Variants in RASAL2 observed in about 807,000 individuals in gnomAD.
The protein encoded by RASAL2 is ras GTPase-activating protein nGAP.
Under a neutral mutation model 128.9 loss-of-function variants are expected in RASAL2, and 58 were observed. The observed-to-expected ratio is 0.45, with a 90% confidence interval of 0.36 to 0.56. The LOEUF is 0.56. Ranked by LOEUF, RASAL2 falls within the 20% of genes least tolerant of loss-of-function variation. The pLI is 0.00. For missense variants in RASAL2, 1,360 were observed against 1,601.6 expected (o/e 0.85, Z 2.57); for synonymous variants, 561 against 580.8 (o/e 0.97, Z 0.49).
intron 1 of RASAL2, among the ~76,000 whole-genome samples, chr1:178,120,359 A>G (rs564146100): frequency 2.0e-5 from 3 of 152,146 alleles, no homozygotes; most frequent in Admixed American, 6.6e-5. Flanking sequence ...GCTCTCCAGT[A>G]ATGTTTATTT....
At chr1:178,291,058 T>C (rs904613098) in intron 2 of RASAL2, among the ~76,000 whole-genome samples, 1 of 151,948 alleles carries the variant, frequency 6.6e-6, no homozygotes, top group Non-Finnish European at 1.5e-5. Flanking sequence ...GAGTGGAGAA[T>C]GCCAAAAAAG....
At position 178,174,472 on chromosome 1, in the gene RASAL2, A is replaced by G. The variant is rs528869642; in HGVS notation, c.202+79778A>G. 2.0e-3 allele frequency among the ~76,000 whole-genome samples: 309 copies of G among 152,260 alleles called. 1 individual carries two copies. Among genetic ancestry groups the G allele is most frequent in the Non-Finnish European group, 3.9e-3 (262 of 68,008 alleles). On this transcript the variant is annotated intron_variant, in intron 1 of 17. Coordinates refer to ENST00000367649, the MANE Select transcript of RASAL2 (RefSeq NM_170692.4). The stretch of plus-strand genomic sequence containing the variant: ...AACAAATGCTGTACTTTTCTAACAC[A>G]TGAAATTGAGTGATGGCCTAATATA...
intron 1 of RASAL2, among the ~76,000 whole-genome samples, chr1:178,100,270 C>T (rs917503951): frequency 1.3e-5 from 2 of 151,710 alleles, no homozygotes; most frequent in Non-Finnish European, 2.9e-5. Context: ...AATTCCAGCA[C>T]TTTAGGAGGC....
intron 5 of RASAL2, among the ~76,000 whole-genome samples, chr1:178,433,386 T>G (rs148052980): frequency 6.6e-6 from 1 of 152,240 alleles, no homozygotes; most frequent in East Asian, 1.9e-4. Flanking sequence ...CTTGTCACAT[T>G]GTATTATAAT....
intron 1 of RASAL2, among the ~76,000 whole-genome samples, chr1:178,163,963 C>A (rs1283873087): frequency 6.6e-6 from 1 of 152,078 alleles, no homozygotes; most frequent in Non-Finnish European, 1.5e-5. Context: ...CTTCAGGATA[C>A]AAGTCTTTCA....
At chr1:178,165,967 C>T (rs1661503429) in intron 1 of RASAL2, among the ~76,000 whole-genome samples, 1 of 151,906 alleles carries the variant, frequency 6.6e-6, no homozygotes. Context: ...AGCTGCATTT[C>T]CCCCCCATCT....
At chr1:178,456,613 C>A in intron 12 of RASAL2, 108 bp from the exon 13 acceptor site, 1 of 1,164,016 alleles carries the variant, frequency 8.6e-7, no homozygotes, top group South Asian at 1.2e-5. Flanking sequence ...ACTTACCCTT[C>A]CCTCCAACCT....
intron 1 of RASAL2, among the ~76,000 whole-genome samples, chr1:178,277,514 T>C: frequency 6.6e-6 from 1 of 152,356 alleles, no homozygotes; most frequent in African/African-American, 2.4e-5. Context: ...TTTTATGAAG[T>C]AATACTTTTT....
chr1:178,254,836 AGGAT>A (rs1199825072), intron 1 of RASAL2, among the ~76,000 whole-genome samples: 6 of 152,256 alleles, frequency 3.9e-5, no homozygotes, highest in African/African-American at 1.4e-4. Context: ...AACTCCAAGT[AGGAT>A]AAACACAAAG....
At chr1:178,220,074 G>A (rs1357414765) in intron 1 of RASAL2, among the ~76,000 whole-genome samples, 2 of 152,050 alleles carry the variant, frequency 1.3e-5, no homozygotes, top group East Asian at 1.9e-4. Flanking sequence ...CATGTGATAT[G>A]CCTGCTCCCC....
At chr1:178,418,755 A>G (rs1228523289) in intron 4 of RASAL2, among the ~76,000 whole-genome samples, 1 of 152,218 alleles carries the variant, frequency 6.6e-6, no homozygotes, top group Non-Finnish European at 1.5e-5. Flanking sequence ...GTAGTACTAT[A>G]TATCCCTTCC....
At chr1:178,193,505 C>T (rs1034434019) in intron 1 of RASAL2, among the ~76,000 whole-genome samples, 4 of 152,010 alleles carry the variant, frequency 2.6e-5, no homozygotes, top group African/African-American at 7.2e-5. Flanking sequence ...TATGACATGA[C>T]GCTTTGTAAA....
intron 1 of RASAL2, among the ~76,000 whole-genome samples, chr1:178,222,679 G>C (rs926946377): frequency 1.3e-5 from 2 of 152,022 alleles, no homozygotes; most frequent in Non-Finnish European, 2.9e-5. Context: ...ATTCATTAAA[G>C]AACATATAAA....
intron 3 of RASAL2, among the ~76,000 whole-genome samples, chr1:178,307,945 AG>A (rs1668069253): frequency 1.3e-5 from 2 of 152,216 alleles, no homozygotes; most frequent in African/African-American, 4.8e-5. Flanking sequence ...CGTAAATCCG[AG>A]GCTTTCTCAG....
At chr1:178,139,849 G>T (rs1301898084) in intron 1 of RASAL2, among the ~76,000 whole-genome samples, 1 of 152,004 alleles carries the variant, frequency 6.6e-6, no homozygotes, top group Non-Finnish European at 1.5e-5. Context: ...ATGATAAAAA[G>T]TCAGGGTACC....
chr1:178,247,719 T>C (rs1664838227), intron 1 of RASAL2, among the ~76,000 whole-genome samples: 1 of 152,226 alleles, frequency 6.6e-6, no homozygotes, highest in Non-Finnish European at 1.5e-5. Flanking sequence ...ACTATAAATT[T>C]CCCTCTTAAC....
At chr1:178,245,139 G>A (rs1227335312) in intron 1 of RASAL2, among the ~76,000 whole-genome samples, 2 of 152,172 alleles carry the variant, frequency 1.3e-5, no homozygotes, top group East Asian at 3.8e-4. Flanking sequence ...CTAGATCCTT[G>A]AGGAATCGCC....
chr1:178,349,213 G>A (rs1670325882), intron 3 of RASAL2, among the ~76,000 whole-genome samples: 1 of 146,804 alleles, frequency 6.8e-6, no homozygotes, highest in Non-Finnish European at 1.5e-5. Context: ...CAGGTCAGGA[G>A]ATCGAGACCG....
intron 1 of RASAL2, among the ~76,000 whole-genome samples, chr1:178,219,786 T>C (rs527695229): frequency 2.4e-4 from 36 of 152,178 alleles, no homozygotes; most frequent in Non-Finnish European, 3.8e-4. Flanking sequence ...AAGTGAGATA[T>C]GTGACTCTTC....
Sources: allele counts gnomAD v4.1 joint callset (sites outside exome capture counted in the v4.1 genomes callset), GRCh38; gene constraint gnomAD v4.1.1; transcripts MANE v1.5; gene names NCBI Gene and HGNC (gene_info 2026-07-23, HGNC 2026-07-21).